KSR2: variants seen among roughly 807,000 people sequenced by gnomAD.
KSR2 encodes the protein kinase suppressor of ras 2.
Under a neutral mutation model 107.8 loss-of-function variants are expected in KSR2, and 25 were observed. The observed-to-expected ratio is 0.23, with a 90% CI of 0.17 to 0.32. KSR2 has a LOEUF of 0.32. Among genes scored for constraint, KSR2 ranks in the 10% least tolerant of loss-of-function variants. The probability of loss-of-function intolerance (pLI) is 1.00; values close to 1 mark genes in which losing one functional copy is unlikely to be tolerated. For missense variants in KSR2, 887 were observed against 1,268.9 expected (o/e 0.70, Z 4.57); for synonymous variants, 480 against 507.0 (o/e 0.95, Z 0.71).
chr12:117,551,261 T>C (rs143624034), intron 9 of KSR2, among the ~76,000 whole-genome samples: 274 of 152,184 alleles, frequency 1.8e-3, no homozygotes, highest in African/African-American at 6.3e-3. Flanking sequence ...TTTCTCCTTC[T>C]CTTCCTCTTC....
Position 117,664,906 on chromosome 12 carries a change from G to A in KSR2, c.1171+2568C>T, listed in dbSNP as rs537496011. ...GCTGACACACCAGGCAGAGACAGAG[G>A]CCACAAAGGCAACCGGCGGCAACAC... On this transcript the variant is annotated intron_variant, in intron 5 of 19. Transcript: ENST00000339824. Among the ~76,000 whole-genome samples the A allele has an allele frequency of 2.0e-5, 3 of 152,240 alleles. No homozygotes were observed. The East Asian group carries it at 5.8e-4, about 29-fold the overall frequency.
chr12:117,957,769 A>ACACG (rs1555261454), intron 1 of KSR2, among the ~76,000 whole-genome samples: 4 of 150,532 alleles, frequency 2.7e-5, no homozygotes, highest in Non-Finnish European at 5.9e-5. Flanking sequence ...ACACACACAC[A>ACACG]CACGCACACC....
chr12:117,794,763 C>T (rs1301200350), intron 3 of KSR2, among the ~76,000 whole-genome samples: 1 of 152,158 alleles, frequency 6.6e-6, no homozygotes, highest in Non-Finnish European at 1.5e-5. Flanking sequence ...ACACACCCAA[C>T]GTGCACACAC....
chr12:117,536,994 C>G (rs932364246), intron 10 of KSR2, among the ~76,000 whole-genome samples: 11 of 152,248 alleles, frequency 7.2e-5, no homozygotes, highest in African/African-American at 2.7e-4. Flanking sequence ...GGGTGGATCA[C>G]CTGAGGTCAG....
intron 1 of KSR2, among the ~76,000 whole-genome samples, chr12:117,887,202 G>A (rs1894202680): frequency 6.6e-6 from 1 of 152,202 alleles, no homozygotes; most frequent in Admixed American, 6.5e-5. Context: ...GAGATTACAG[G>A]CCTGAGTCAT....
At chr12:117,782,037 G>T (rs1889906437) in intron 3 of KSR2, among the ~76,000 whole-genome samples, 1 of 152,184 alleles carries the variant, frequency 6.6e-6, no homozygotes, top group African/African-American at 2.4e-5. Flanking sequence ...ACCCTGTAGG[G>T]CAGTCTGATG....
intron 14 of KSR2, among the ~76,000 whole-genome samples, chr12:117,512,696 T>C (rs944419254): frequency 6.7e-6 from 1 of 149,706 alleles, no homozygotes; most frequent in African/African-American, 2.5e-5. Context: ...AACAGCGAGA[T>C]ATCTAAATGT....
chr12:117,485,553 T>C, intron 15 of KSR2, 42 bp downstream of exon 15: 2 of 1,509,020 alleles, frequency 1.3e-6, no homozygotes, highest in Non-Finnish European at 1.8e-6. Context: ...GGAAACTGGG[T>C]CTTTCTGAGA....
chr12:117,754,336 C>A (rs1195160412), intron 4 of KSR2, among the ~76,000 whole-genome samples: 1 of 152,014 alleles, frequency 6.6e-6, no homozygotes, highest in Admixed American at 6.6e-5. Flanking sequence ...GGATAAGGGG[C>A]CTAAAAAATA....
Position 117,812,734 on chromosome 12 carries a change from G to A in KSR2, c.472+42694C>T, listed in dbSNP as rs534054053. Among the ~76,000 whole-genome samples, 3 of 150,066 alleles carry A rather than the reference G, an allele frequency of 2.0e-5. No homozygotes were observed. In the Admixed American group the frequency reaches 2.0e-4, roughly 10 times the overall value. On this transcript the variant is annotated intron_variant, in intron 3 of 19. Coordinates refer to ENST00000339824, the MANE Select transcript of KSR2 (RefSeq NM_173598.6). ...TTAAAATGTCCACAGTACCCAAAGTGATCTACAGATTCAATGCAATCTCTA... is the reference window on the plus strand; with the variant it reads ...TTAAAATGTCCACAGTACCCAAAGTAATCTACAGATTCAATGCAATCTCTA...
intron 1 of KSR2, among the ~76,000 whole-genome samples, chr12:117,871,349 G>A (rs1296929036): frequency 6.6e-6 from 1 of 152,166 alleles, no homozygotes; most frequent in East Asian, 1.9e-4. Context: ...AGCACTTTGG[G>A]AGACCGAGGC....
chr12:117,507,580 G>C (rs948697131), intron 14 of KSR2, among the ~76,000 whole-genome samples: 2 of 152,188 alleles, frequency 1.3e-5, no homozygotes, highest in African/African-American at 4.8e-5. Flanking sequence ...TGCAAAGCAA[G>C]GGCCGTGAAG....
chr12:117,847,814 G>A (rs762029046), intron 3 of KSR2, among the ~76,000 whole-genome samples: 11 of 152,068 alleles, frequency 7.2e-5, no homozygotes, highest in Non-Finnish European at 1.5e-4. Context: ...AGGCACTTCT[G>A]AGTGTTCCCA....
chr12:117,748,627 A>G (rs1007014392), intron 4 of KSR2, among the ~76,000 whole-genome samples: 2 of 152,250 alleles, frequency 1.3e-5, no homozygotes, highest in South Asian at 2.1e-4. Context: ...GCAAAGTATC[A>G]GCATACAATA....
intron 4 of KSR2, among the ~76,000 whole-genome samples, chr12:117,711,119 T>C (rs978442593): frequency 2.0e-5 from 3 of 152,228 alleles, no homozygotes; most frequent in East Asian, 1.9e-4. Flanking sequence ...TTATATCTCT[T>C]TGTGTAATTA....
chr12:117,924,519 C>T (rs1895445474), intron 1 of KSR2, among the ~76,000 whole-genome samples: 1 of 131,210 alleles, frequency 7.6e-6, no homozygotes, highest in Admixed American at 8.9e-5. Context: ...TTGCAGTGAG[C>T]TGAGATCGTG....
rs144568568 is a variant in KSR2, at chr12:117,561,711, C to T, written c.1326-3138G>A. On this transcript the variant is annotated intron_variant, in intron 7 of 19. Coordinates refer to ENST00000339824, the MANE Select transcript of KSR2 (RefSeq NM_173598.6). ...AGATAACACCTAACTCTTCCCAATACGGATGCTTGACTTCACAAGGATAAT... is the reference window on the plus strand; with the variant it reads ...AGATAACACCTAACTCTTCCCAATATGGATGCTTGACTTCACAAGGATAAT... Among the ~76,000 whole-genome samples the T allele has an allele frequency of 5.3e-5, 8 of 152,332 alleles. No homozygotes were observed. The East Asian group carries it at 1.2e-3, about 22-fold the overall frequency.
At chr12:117,519,316 G>A (rs995711606) in intron 14 of KSR2, among the ~76,000 whole-genome samples, 1 of 152,210 alleles carries the variant, frequency 6.6e-6, no homozygotes, top group Non-Finnish European at 1.5e-5. Flanking sequence ...CTCCAGGTGG[G>A]AGGAAGGACC....
In KSR2 at chr12:117,968,212, A is replaced by G. The variant is rs1896855180; in HGVS notation, c.44T>C (p.Leu15Pro). ...CTGCTGTAAGGCTTTTTGCAAACTC[A>G]GAGGCTGCTGCTCCTCGCTTTTCGT... Reference protein sequence around the residue: ...NMTKSEEQQPLSLQKALQQCE... With the variant: ...NMTKSEEQQPPSLQKALQQCE... The change falls in exon 1 of 20, where the codon CTG becomes CCG. Residue 15 changes from leucine to proline, a missense_variant. Leu to Pro is a moderately conservative substitution (Grantham distance 98). Around this residue, in one of 8 missense-constraint regions of KSR2, gnomAD observed 32 missense variants for 25.9 expected, o/e 1.23. Coordinates refer to ENST00000339824, the MANE Select transcript of KSR2 (RefSeq NM_173598.6). The G allele has an allele frequency of 6.4e-7, 1 of 1,573,064 alleles. No individual in the cohort carries two copies. Among genetic ancestry groups the G allele is most frequent in the Non-Finnish European group, 8.6e-7 (1 of 1,156,862 alleles).
Sources: allele counts gnomAD v4.1 joint callset (sites outside exome capture counted in the v4.1 genomes callset), GRCh38; gene constraint gnomAD v4.1.1; regional missense constraint gnomAD v4.1.1; transcripts MANE v1.5; gene names NCBI Gene and HGNC (gene_info 2026-07-23, HGNC 2026-07-21).